The following NR4A1 variants were observed in gnomAD, a reference collection of about 807,000 sequenced individuals.
The protein encoded by NR4A1 is nuclear receptor subfamily 4immunitygroup A member 1.
A neutral mutation model predicts 47.5 loss-of-function variants in NR4A1; 24 were observed. That is an observed-to-expected ratio of 0.50 (90% CI 0.37 to 0.71). NR4A1 has a LOEUF of 0.71. NR4A1 is among the 30% of genes least tolerant of loss of function. The probability of loss-of-function intolerance (pLI) is 0.00; values close to 1 mark genes in which losing one functional copy is unlikely to be tolerated. For synonymous variants in NR4A1, 353 were observed against 345.7 expected (o/e 1.02, Z -0.24); for missense variants, 669 against 788.6 (o/e 0.85, Z 1.82).
rs199798856 is a variant in NR4A1 at position 52,054,764 on chromosome 12, T to G, written c.436T>G (p.Phe146Val). ...GGCCCCGTCGCCCTCCACGCCCAGC[T>G]TCCAGCCGCCCCAGCTCTCTCCCTG... ...CSAPSPSTPS[F>V]QPPQLSPWDG... Residue 146 changes from phenylalanine (F) to valine (V), a missense_variant, in exon 2 of 7, where the codon TTC becomes GTC. Coordinates refer to ENST00000394825, the MANE Select transcript of NR4A1 (RefSeq NM_173157.3). 1 of 1,612,528 alleles carries G rather than the reference T, an allele frequency of 6.2e-7. No individual in the cohort carries two copies. Among genetic ancestry groups the G allele is most frequent in the Non-Finnish European group, 8.5e-7 (1 of 1,179,954 alleles).
At chr12:52,054,204 G>C (rs1404968309) in intron 1 of NR4A1, 123 bp from the exon 2 acceptor site, 2 of 815,778 alleles carry the variant, frequency 2.5e-6, no homozygotes, top group Non-Finnish European at 3.8e-6. Context: ...CGGTGCCTCT[G>C]TCTCATCTTT....
chr12:52,056,395 G>A, intron 3 of NR4A1, 99 bp from the exon 4 acceptor site: 1 of 1,511,714 alleles, frequency 6.6e-7, no homozygotes, highest in Non-Finnish European at 8.9e-7. Flanking sequence ...GGGTCCTAGG[G>A]ACTCGGTGGG....
intron 2 of NR4A1, among the ~76,000 whole-genome samples, chr12:52,044,266 G>C (rs1354370273): frequency 2.0e-5 from 3 of 152,256 alleles, no homozygotes; most frequent in African/African-American, 7.2e-5. Flanking sequence ...ATTGGCTTCT[G>C]AGTGGGGCCC....
chr12:52,039,513 G>C (rs1293419281), intron 1 of NR4A1, among the ~76,000 whole-genome samples: 2 of 152,204 alleles, frequency 1.3e-5, no homozygotes, highest in African/African-American at 2.4e-5. Context: ...CTCTGCTCTG[G>C]CTCTTGGATC....
upstream of NR4A1, among the ~76,000 whole-genome samples, chr12:52,050,410 A>C (rs1301587322): frequency 2.0e-5 from 3 of 152,234 alleles, no homozygotes; most frequent in African/African-American, 7.2e-5. Flanking sequence ...GTTCCAACCC[A>C]GTGTGCCACC....
chr12:52,049,100 G>A (rs1042571848), upstream of NR4A1, among the ~76,000 whole-genome samples: 4 of 152,184 alleles, frequency 2.6e-5, no homozygotes, highest in Non-Finnish European at 2.9e-5. Flanking sequence ...CTGACCAGAT[G>A]ACTGAATGCC....
At chr12:52,033,217 G>A (rs941443738) in intron 1 of NR4A1, among the ~76,000 whole-genome samples, 9 of 152,018 alleles carry the variant, frequency 5.9e-5, no homozygotes, top group African/African-American at 1.9e-4. Context: ...GCTGGGGCTC[G>A]GCCCTGTTCC....
chr12:52,046,446 G>T (rs1938645027), upstream of NR4A1, among the ~76,000 whole-genome samples: 1 of 152,182 alleles, frequency 6.6e-6, no homozygotes, highest in African/African-American at 2.4e-5. Flanking sequence ...AGGGGTAAGG[G>T]CCTGGTGAAC....
At chr12:52,024,408 T>C (rs746919689) in intron 1 of NR4A1, among the ~76,000 whole-genome samples, 8 of 152,238 alleles carry the variant, frequency 5.3e-5, no homozygotes, top group Non-Finnish European at 1.0e-4. Context: ...GCTTAACTTA[T>C]GTTTTAAAGC....
intron 1 of NR4A1, among the ~76,000 whole-genome samples, chr12:52,039,178 T>G (rs1182833979): frequency 6.6e-6 from 1 of 152,200 alleles, no homozygotes; most frequent in Non-Finnish European, 1.5e-5. Context: ...AATGAGAAAA[T>G]GCATGTAAAG....
intron 6 of NR4A1, chr12:52,058,344 G>T (rs1231999049): frequency 3.6e-6 from 1 of 280,288 alleles, no homozygotes; most frequent in Non-Finnish European, 6.6e-6. Flanking sequence ...GGCTGAGGGA[G>T]TGCTGAGTTC....
chr12:52,029,900 C>A (rs1469942497), intron 1 of NR4A1, among the ~76,000 whole-genome samples: 1 of 152,238 alleles, frequency 6.6e-6, no homozygotes, highest in East Asian at 1.9e-4. Flanking sequence ...TACTTAGCAA[C>A]AGGCACAGCA....
chr12:52,051,350 C>T (rs983619743), upstream of NR4A1: 1 of 982,842 alleles, frequency 1.0e-6, no homozygotes, highest in Non-Finnish European at 1.2e-6. Context: ...CCTTGTATGG[C>T]CAAAGCTCGA....
At chr12:52,051,730 A>G (rs1938962173) in intron 1 of NR4A1, among the ~76,000 whole-genome samples, 162 bp downstream of exon 1, 1 of 152,150 alleles carries the variant, frequency 6.6e-6, no homozygotes, top group Non-Finnish European at 1.5e-5. Flanking sequence ...CAGACTGGAA[A>G]CTACTGGGTG....
Position 52,054,408 on chromosome 12 carries a change from C to G in NR4A1, c.80C>G (p.Thr27Ser). The G allele has an allele frequency of 6.2e-7, 1 of 1,613,820 alleles. No homozygotes were observed. Among genetic ancestry groups the G allele is most frequent in the Non-Finnish European group, 8.5e-7 (1 of 1,179,964 alleles). Residue 27 changes from threonine to serine, a missense_variant, in exon 2 of 7, where the codon ACC (threonine) becomes AGC (serine). Transcript: ENST00000394825. ...GACCACCTGGCAAGCGACCCCCTGACCCCTGAGTTCATCAAGCCCACCATG... is the reference window on the plus strand; with the variant it reads ...GACCACCTGGCAAGCGACCCCCTGAGCCCTGAGTTCATCAAGCCCACCATG... ...PRDHLASDPL[T>S]PEFIKPTMDL...
intron 2 of NR4A1, chr12:52,045,599 G>T (rs1938603158): frequency 2.2e-6 from 1 of 444,866 alleles, no homozygotes. Flanking sequence ...TCTGCATTAG[G>T]CAGATGAGGA....
chr12:52,032,568 A>T (rs2120928124), intron 1 of NR4A1, among the ~76,000 whole-genome samples: 1 of 152,314 alleles, frequency 6.6e-6, no homozygotes, highest in East Asian at 1.9e-4. Flanking sequence ...ATTGTTGAAC[A>T]TTCATCTCTC....
intron 1 of NR4A1, among the ~76,000 whole-genome samples, chr12:52,031,560 C>T (rs1210242658): frequency 6.6e-6 from 1 of 151,628 alleles, no homozygotes; most frequent in East Asian, 2.0e-4. Context: ...TGGCTTGAAC[C>T]TGGGAGGCAG....
At chr12:52,030,796 A>G (rs1822002102) in intron 1 of NR4A1, among the ~76,000 whole-genome samples, 1 of 152,218 alleles carries the variant, frequency 6.6e-6, no homozygotes, top group Non-Finnish European at 1.5e-5. Context: ...GGCTGCTGAA[A>G]GAAGAGACAA....
Sources: allele counts gnomAD v4.1 joint callset (sites outside exome capture counted in the v4.1 genomes callset), GRCh38; gene constraint gnomAD v4.1.1; transcripts MANE v1.5; gene names NCBI Gene and HGNC (gene_info 2026-07-23, HGNC 2026-07-21).